The following PCED1B variants were observed in gnomAD, a reference collection of about 807,000 sequenced individuals.
PCED1B encodes the protein PC-esterase domain-containing protein 1B.
For synonymous variants in PCED1B, 251 were observed against 246.1 expected, an observed-to-expected ratio of 1.02 and a Z score of -0.19; for missense variants, 573 against 573.9, an observed-to-expected ratio of 1.00 and a Z score of 0.02.
In PCED1B at chr12:47,236,254, T is replaced by C. The variant is rs754671446; in HGVS notation, c.1191T>C (p.His397=). Residue 397 remains histidine (H), a synonymous_variant, in exon 4 of 4, where the codon CAT becomes CAC. Transcript: ENST00000546455. ...ATCAGCGGCCTGCCCCAGTGGTACA[T>C]AGGGGTTTTGGCAGGTATCGTCCCC... ...PRYQRPAPVV[H]RGFGRYRPRG... is the part of the protein sequence containing the mutation. The C allele has an allele frequency of 1.2e-6, 2 of 1,614,114 alleles. No homozygotes were observed. The highest frequency in any genetic ancestry group is 1.7e-6 in the Non-Finnish European group (2 of 1,180,012).
At chr12:47,127,689 C>T (rs1186054541) in intron 2 of PCED1B, among the ~76,000 whole-genome samples, 4 of 151,744 alleles carry the variant, frequency 2.6e-5, no homozygotes, top group Non-Finnish European at 4.4e-5. Flanking sequence ...TAATTTAATT[C>T]GATTTTGGTA....
intron 1 of PCED1B, among the ~76,000 whole-genome samples, chr12:47,094,574 CTTCT>C (rs2137188284): frequency 6.6e-6 from 1 of 151,820 alleles, no homozygotes; most frequent in South Asian, 2.1e-4. Context: ...GCAAGTTTTA[CTTCT>C]TTAATTCTAA....
At chr12:47,170,029 C>T (rs893650911) in intron 2 of PCED1B, among the ~76,000 whole-genome samples, 8 of 151,124 alleles carry the variant, frequency 5.3e-5, no homozygotes, top group Admixed American at 1.3e-4. Flanking sequence ...TTTTCCTAGG[C>T]GGAGGGCCCT....
chr12:47,174,904 C>G (rs1941873556), intron 2 of PCED1B, among the ~76,000 whole-genome samples: 1 of 152,152 alleles, frequency 6.6e-6, no homozygotes, highest in Non-Finnish European at 1.5e-5. Context: ...AATTAAAACT[C>G]TCTGTACTTC....
At chr12:47,125,982 A>C (rs1469237620) in intron 2 of PCED1B, among the ~76,000 whole-genome samples, 1 of 152,032 alleles carries the variant, frequency 6.6e-6, no homozygotes. Context: ...TCATTTCAAA[A>C]ATTTCTTTCA....
chr12:47,102,436 C>T (rs534355082), intron 1 of PCED1B, among the ~76,000 whole-genome samples: 6 of 152,280 alleles, frequency 3.9e-5, no homozygotes, highest in African/African-American at 1.2e-4. Context: ...TCCCTCTACC[C>T]CAGTACTGTG....
At chr12:47,195,322 C>CT (rs1942571221) in intron 2 of PCED1B, among the ~76,000 whole-genome samples, 1 of 121,950 alleles carries the variant, frequency 8.2e-6, no homozygotes, top group Non-Finnish European at 1.7e-5. Context: ...GAGCGAGTCT[C>CT]TGTCTCAAAA....
At chr12:47,172,336 G>T (rs1210667066) in intron 2 of PCED1B, among the ~76,000 whole-genome samples, 15 of 108,986 alleles carry the variant, frequency 1.4e-4, no homozygotes, top group Admixed American at 8.6e-4. Flanking sequence ...AAAGTCGTGG[G>T]TTGCTTTTTT....
intron 2 of PCED1B, among the ~76,000 whole-genome samples, chr12:47,191,546 A>AAGT (rs1942438841): frequency 6.6e-6 from 1 of 151,996 alleles, no homozygotes; most frequent in Non-Finnish European, 1.5e-5. Context: ...AAATTGGGGG[A>AAGT]AGTCATGTTT....
In PCED1B at chr12:47,235,933, G is replaced by A; in HGVS notation, c.870G>A (p.Leu290=). Reference sequence around the variant, plus strand: ...ACAGAAATCACCCGGCCTTACCTCTGTCCCCACCCTTACCTTCCCCCACAT... The same window carrying A: ...ACAGAAATCACCCGGCCTTACCTCTATCCCCACCCTTACCTTCCCCCACAT... ...QANRNHPALP[L]SPPLPSPTYR... The change falls in exon 4 of 4, where the codon CTG becomes CTA. Residue 290 remains leucine (L), a synonymous_variant. Coordinates refer to ENST00000546455, the MANE Select transcript of PCED1B (RefSeq NM_138371.3). The A allele has an allele frequency of 6.2e-7, 1 of 1,611,290 alleles. No individual in the cohort carries two copies. Among genetic ancestry groups the A allele is most frequent in the Non-Finnish European group, 8.5e-7 (1 of 1,178,968 alleles).
chr12:47,162,050 T>G (rs1353731234), intron 2 of PCED1B, among the ~76,000 whole-genome samples: 1 of 148,732 alleles, frequency 6.7e-6, no homozygotes, highest in Non-Finnish European at 1.5e-5. Flanking sequence ...ACTCATAGGT[T>G]GGAATTGAAC....
At chr12:47,196,950 C>T (rs1219202496) in intron 2 of PCED1B, among the ~76,000 whole-genome samples, 1 of 151,510 alleles carries the variant, frequency 6.6e-6, no homozygotes, top group Non-Finnish European at 1.5e-5. Context: ...AGTGTTAATA[C>T]ACTTAATATG....
At chr12:47,186,386 T>C (rs1239958582) in intron 2 of PCED1B, among the ~76,000 whole-genome samples, 1 of 152,106 alleles carries the variant, frequency 6.6e-6, no homozygotes, top group African/African-American at 2.4e-5. Context: ...GGCTAGTTAA[T>C]ACGTTTTGTT....
chr12:47,201,272 C>G lies in PCED1B; in HGVS notation c.-525-14950C>G, dbSNP rs74361719. Among the ~76,000 whole-genome samples the G allele has an allele frequency of 5.9e-5, 9 of 152,216 alleles. No individual in the cohort carries two copies. The Middle Eastern group carries it at 0.017, about 288-fold the overall frequency. Reference sequence around the variant, plus strand: ...TCAGTCTATTACAAGGTGATAGACTCGGGGCTTTGGGCGTTATCAATCAGA... The same window carrying G: ...TCAGTCTATTACAAGGTGATAGACTGGGGGCTTTGGGCGTTATCAATCAGA... On this transcript the variant is annotated intron_variant, in intron 2 of 3. Coordinates refer to ENST00000546455, the MANE Select transcript of PCED1B (RefSeq NM_138371.3).
At chr12:47,217,572 G>A (rs1943335828) in intron 3 of PCED1B, among the ~76,000 whole-genome samples, 1 of 151,910 alleles carries the variant, frequency 6.6e-6, no homozygotes, top group Non-Finnish European at 1.5e-5. Flanking sequence ...AATTTCTTAG[G>A]TTGTTTTTGT....
intron 2 of PCED1B, among the ~76,000 whole-genome samples, chr12:47,133,410 G>A (rs181270750): frequency 6.6e-6 from 1 of 152,292 alleles, no homozygotes; most frequent in Admixed American, 6.5e-5. Flanking sequence ...TACATGTTTG[G>A]ACCAAAAGTA....
chr12:47,169,586 T>G (rs1941653550), intron 2 of PCED1B, among the ~76,000 whole-genome samples: 1 of 152,206 alleles, frequency 6.6e-6, no homozygotes, highest in Non-Finnish European at 1.5e-5. Flanking sequence ...CTGAAAGACA[T>G]ATATCGTATA....
At chr12:47,114,873 T>C (rs1880602) in intron 2 of PCED1B, among the ~76,000 whole-genome samples, 3,455 of 152,278 alleles carry the variant, frequency 0.023, 105 homozygotes, top group East Asian at 0.076. Flanking sequence ...CTGCTGTCCA[T>C]TAAAGAAGGT....
At chr12:47,194,175 T>C (rs1942530698) in intron 2 of PCED1B, among the ~76,000 whole-genome samples, 1 of 152,164 alleles carries the variant, frequency 6.6e-6, no homozygotes, top group Admixed American at 6.5e-5. Context: ...CTCTCAGGAA[T>C]AGGTCTTTTT....
Sources: allele counts gnomAD v4.1 joint callset (sites outside exome capture counted in the v4.1 genomes callset), GRCh38; gene constraint gnomAD v4.1.1; transcripts MANE v1.5; gene names NCBI Gene and HGNC (gene_info 2026-07-23, HGNC 2026-07-21).